The following LOC400499 variants were observed in gnomAD, a reference collection of about 807,000 sequenced individuals.
At chr16:11,443,305 C>CAG in the LOC400499 span, 1 of 331,656 alleles carries the variant, frequency 3.0e-6, no homozygotes, top group Non-Finnish European at 5.4e-6. Context: ...GCCTGGGCAA[C>CAG]AGAGCAAGAC....
chr16:11,396,703 C>G, the LOC400499 span: 1 of 1,231,876 alleles, frequency 8.1e-7, no homozygotes. Context: ...AGGTGTCAGG[C>G]AGGCACAGGG....
the LOC400499 span, among the ~76,000 whole-genome samples, chr16:11,490,774 G>C: frequency 2.0e-5 from 3 of 152,210 alleles, no homozygotes; most frequent in South Asian, 6.2e-4. Context: ...CTATTGTTAA[G>C]GAGATACGTG....
the LOC400499 span, chr16:11,380,974 C>G: frequency 6.3e-6 from 1 of 159,476 alleles, no homozygotes. Context: ...GAAGTTGATT[C>G]CTGCCTTAAG....
chr16:11,512,259 G>A, the LOC400499 span, among the ~76,000 whole-genome samples: 1 of 151,750 alleles, frequency 6.6e-6, no homozygotes, highest in Non-Finnish European at 1.5e-5. Flanking sequence ...TCCAGCCTGG[G>A]CAACAGAGCC....
At chr16:11,426,541 G>T in the LOC400499 span, among the ~76,000 whole-genome samples, 3 of 151,852 alleles carry the variant, frequency 2.0e-5, no homozygotes, top group South Asian at 6.2e-4. Context: ...TGAGAACAAG[G>T]TAAGAATTTT....
chr16:11,464,187 T>C, the LOC400499 span, among the ~76,000 whole-genome samples: 5 of 151,980 alleles, frequency 3.3e-5, no homozygotes, highest in South Asian at 8.3e-4. Context: ...CATATGTGTA[T>C]GGATGTATGT....
the LOC400499 span, among the ~76,000 whole-genome samples, chr16:11,382,121 G>A: frequency 6.6e-6 from 1 of 151,550 alleles, no homozygotes. Flanking sequence ...ATTTGTGGTA[G>A]AGACAGGGGT....
At chr16:11,466,795 A>T in the LOC400499 span, among the ~76,000 whole-genome samples, 2 of 152,182 alleles carry the variant, frequency 1.3e-5, no homozygotes, top group Non-Finnish European at 2.9e-5. Flanking sequence ...TGTATTGCCT[A>T]TTTAATTGTA....
the LOC400499 span, among the ~76,000 whole-genome samples, chr16:11,459,469 T>G: frequency 6.6e-6 from 1 of 152,122 alleles, no homozygotes; most frequent in South Asian, 2.1e-4. Flanking sequence ...GTGCTGGGAT[T>G]ACAGGCATGA....
At chr16:11,390,001 G>T in the LOC400499 span, 1 of 668,236 alleles carries the variant, frequency 1.5e-6, no homozygotes, top group South Asian at 7.9e-5. Context: ...CCCCTGGGCA[G>T]GGTGGTCACA....
the LOC400499 span, among the ~76,000 whole-genome samples, chr16:11,410,269 C>T: frequency 6.6e-6 from 1 of 152,154 alleles, no homozygotes; most frequent in South Asian, 2.1e-4. Flanking sequence ...GCCTGGATAT[C>T]ACGGTGAAAC....
chr16:11,472,041 T>C, the LOC400499 span: 3,277 of 385,434 alleles, frequency 8.5e-3, 114 homozygotes, highest in African/African-American at 0.063. Context: ...TTGGGGGCTG[T>C]CCTGTGCATT....
the LOC400499 span, chr16:11,396,617 CG>C: frequency 8.1e-7 from 1 of 1,232,122 alleles, no homozygotes; most frequent in Non-Finnish European, 1.0e-6. Context: ...CAGGTGGCAG[CG>C]GGAACGCAGC....
chr16:11,397,011 C>T, the LOC400499 span, among the ~76,000 whole-genome samples: 2 of 152,196 alleles, frequency 1.3e-5, no homozygotes, highest in Non-Finnish European at 2.9e-5. Context: ...AACACCCTGG[C>T]CCCTCTCTGC....
the LOC400499 span, among the ~76,000 whole-genome samples, chr16:11,434,881 T>G: frequency 1.3e-5 from 2 of 152,134 alleles, no homozygotes; most frequent in African/African-American, 4.8e-5. Flanking sequence ...AGTGGACACA[T>G]GAGTAGGTAA....
At chr16:11,447,670 T>C in the LOC400499 span, among the ~76,000 whole-genome samples, 1 of 151,920 alleles carries the variant, frequency 6.6e-6, no homozygotes, top group African/African-American at 2.4e-5. Flanking sequence ...CTCTGGGAAA[T>C]GAGAAGACGC....
the LOC400499 span, chr16:11,440,680 G>C: frequency 2.5e-6 from 1 of 398,782 alleles, no homozygotes; most frequent in East Asian, 3.6e-5. Flanking sequence ...AGGTTATTAA[G>C]ACCCGGCCTC....
chr16:11,414,563 C>A, the LOC400499 span: 1 of 399,414 alleles, frequency 2.5e-6, no homozygotes, highest in Non-Finnish European at 4.4e-6. Context: ...CCCTTCCCAG[C>A]CCAGGAACAC....
chr16:11,438,166 G>C, the LOC400499 span, among the ~76,000 whole-genome samples: 1 of 152,204 alleles, frequency 6.6e-6, no homozygotes, highest in African/African-American at 2.4e-5. Context: ...GTTTAGAACA[G>C]AGCCTGCCAC....
Sources: gnomAD v4.1 joint callset for allele counts (sites outside exome capture counted in the v4.1 genomes callset) on GRCh38, gnomAD v4.1.1 for gene constraint, MANE v1.5 for transcripts.